RFX4: variants seen among roughly 807,000 people sequenced by gnomAD.
RFX4 encodes transcription factor RFX4.
A neutral mutation model predicts 95.0 loss-of-function variants in RFX4; 10 were observed. The observed-to-expected ratio is 0.11, with a 90% CI of 0.06 to 0.18. The LOEUF (loss-of-function observed/expected upper bound fraction) is 0.18. Among genes scored for constraint, RFX4 ranks in the 10% least tolerant of loss-of-function variants. The pLI is 1.00. For synonymous variants in RFX4, 321 were observed against 340.7 expected, an observed-to-expected ratio of 0.94 and a Z score of 0.64; for missense variants, 640 against 922.0, an observed-to-expected ratio of 0.69 and a Z score of 3.96.
chr12:106,656,537 G>C (rs924754950), intron 4 of RFX4, among the ~76,000 whole-genome samples: 10 of 152,100 alleles, frequency 6.6e-5, no homozygotes, highest in Non-Finnish European at 1.3e-4. Context: ...CCCAAACAGG[G>C]TCCTACGGAA....
chr12:106,670,260 C>T (rs2041256025), intron 4 of RFX4, among the ~76,000 whole-genome samples: 1 of 152,048 alleles, frequency 6.6e-6, no homozygotes, highest in Non-Finnish European at 1.5e-5. Context: ...CCATCACCAC[C>T]CTCGCCCTCT....
At chr12:106,631,801 ACT>A (rs1438231457) in intron 2 of RFX4, among the ~76,000 whole-genome samples, 1 of 152,134 alleles carries the variant, frequency 6.6e-6, no homozygotes, top group African/African-American at 2.4e-5. Flanking sequence ...CAGCGACCAC[ACT>A]CTGCCATGGG....
At chr12:106,719,316 A>T (rs1189121100) in intron 11 of RFX4, among the ~76,000 whole-genome samples, 1 of 152,190 alleles carries the variant, frequency 6.6e-6, no homozygotes, top group Non-Finnish European at 1.5e-5. Context: ...TGCCTGATAC[A>T]GTTGTGGTCC....
chr12:106,616,309 C>T (rs1380575360), intron 2 of RFX4, among the ~76,000 whole-genome samples: 6 of 152,158 alleles, frequency 3.9e-5, no homozygotes, highest in Non-Finnish European at 8.8e-5. Flanking sequence ...TAATAAATCA[C>T]ACTTGGTCAG....
chr12:106,677,462 G>A (rs185557307), intron 4 of RFX4, among the ~76,000 whole-genome samples: 38 of 152,268 alleles, frequency 2.5e-4, no homozygotes, highest in African/African-American at 8.7e-4. Context: ...ATCCTGAGGA[G>A]CCTGGATTTT....
At chr12:106,728,368 CGGTGCATAT>C (rs2042545624) in intron 13 of RFX4, among the ~76,000 whole-genome samples, 1 of 150,128 alleles carries the variant, frequency 6.7e-6, no homozygotes, top group Non-Finnish European at 1.5e-5. Context: ...TTACTTAGCG[CGGTGCATAT>C]GGAAGTAGTC....
At chr12:106,641,177 T>A (rs946192142) in intron 3 of RFX4, among the ~76,000 whole-genome samples, 1 of 152,204 alleles carries the variant, frequency 6.6e-6, no homozygotes, top group Non-Finnish European at 1.5e-5. Flanking sequence ...TCACATCTAT[T>A]TTTCTGGGAT....
At chr12:106,746,842 C>T (rs1163983197) in intron 15 of RFX4, among the ~76,000 whole-genome samples, 1 of 152,192 alleles carries the variant, frequency 6.6e-6, no homozygotes. Context: ...TTTCCCCAGG[C>T]TTTCCTTTTC....
chr12:106,643,914 G>T (rs565896795), intron 3 of RFX4, among the ~76,000 whole-genome samples: 16 of 152,306 alleles, frequency 1.1e-4, no homozygotes, highest in African/African-American at 3.6e-4. Flanking sequence ...GTGTGTGCAT[G>T]TGTGCACTTG....
intron 3 of RFX4, among the ~76,000 whole-genome samples, chr12:106,652,446 G>T (rs1033451272): frequency 6.6e-6 from 1 of 152,166 alleles, no homozygotes; most frequent in African/African-American, 2.4e-5. Flanking sequence ...CACTTACTGA[G>T]CCCCTACTGT....
Position 106,720,611 on chromosome 12 carries a change from T to C in RFX4, c.1234-148T>C, listed in dbSNP as rs1592979742. The stretch of plus-strand genomic sequence containing the variant: ...GTTGCCCAGGCTGGTCTCAAACTCC[T>C]AGGCTCATGCGATCATCCGCCCACC... On this transcript the variant is annotated intron_variant, in intron 12 of 17. Transcript: ENST00000392842. The surrounding 1 kb of genome is among the most constrained non-coding windows in gnomAD (Gnocchi z 4.2). The C allele has an allele frequency of 1.4e-6, 1 of 708,350 alleles. No homozygotes were observed. The allele number at this position is 708,350 out of a possible 1,614,324, so 43.9% of individuals were successfully genotyped here.
At chr12:106,684,399 C>A (rs966421302) in intron 5 of RFX4, among the ~76,000 whole-genome samples, 1 of 152,026 alleles carries the variant, frequency 6.6e-6, no homozygotes, top group Non-Finnish European at 1.5e-5. Context: ...GTATCCCCTG[C>A]CTTTTTTTAG....
intron 2 of RFX4, among the ~76,000 whole-genome samples, chr12:106,627,742 G>A (rs145905267): frequency 1.3e-5 from 2 of 152,190 alleles, no homozygotes; most frequent in African/African-American, 2.4e-5. Context: ...TAAAAAAGAC[G>A]GAAGGAACTG....
chr12:106,646,027 A>G, intron 3 of RFX4: 2 of 1,077,418 alleles, frequency 1.9e-6, no homozygotes, highest in Non-Finnish European at 2.5e-6. Flanking sequence ...TTTTAAAAAA[A>G]GTATTTTGTG....
chr12:106,733,322 A>G (rs2042649258), intron 15 of RFX4: 1 of 395,088 alleles, frequency 2.5e-6, no homozygotes, highest in Admixed American at 4.0e-5. Flanking sequence ...TTGTCTCAAA[A>G]AAAGAAAAAC....
intron 8 of RFX4, among the ~76,000 whole-genome samples, chr12:106,699,551 C>T (rs1206535931): frequency 1.3e-5 from 2 of 152,096 alleles, no homozygotes; most frequent in African/African-American, 4.8e-5. Context: ...TACATTTTTG[C>T]TTCATGTATT....
intron 1 of RFX4, among the ~76,000 whole-genome samples, chr12:106,585,560 C>T (rs1234227433): frequency 3.3e-5 from 5 of 152,190 alleles, no homozygotes; most frequent in African/African-American, 1.2e-4. Flanking sequence ...AGAAGCCTTC[C>T]CTCACCTCCC....
At chr12:106,715,701 A>G in intron 11 of RFX4, 157 bp downstream of exon 11, 1 of 806,442 alleles carries the variant, frequency 1.2e-6, no homozygotes, top group Non-Finnish European at 1.9e-6. Context: ...GTCAGTCCAG[A>G]AGGAAGGGCT....
At chr12:106,685,490 A>G (rs1297783802) in intron 5 of RFX4, among the ~76,000 whole-genome samples, 2 of 152,172 alleles carry the variant, frequency 1.3e-5, no homozygotes, top group Non-Finnish European at 2.9e-5. Context: ...AATGTGTGTC[A>G]AGCACTCAGT....
Sources: gnomAD v4.1 joint callset for allele counts (sites outside exome capture counted in the v4.1 genomes callset) on GRCh38, gnomAD v4.1.1 for gene constraint, Gnocchi (gnomAD v3.1) non-coding constraint, MANE v1.5 for transcripts, NCBI Gene and HGNC (gene_info 2026-07-23, HGNC 2026-07-21) for gene names.